Variants in AMY2A observed in about 807,000 individuals in gnomAD.
The protein encoded by AMY2A is amylase alpha 2A, also known as pancreatic alpha-amylase.
In AMY2A, 16 loss-of-function variants were observed where a neutral mutation model predicts 43.0. The observed-to-expected ratio is 0.37, with a 90% CI of 0.25 to 0.56. The LOEUF (loss-of-function observed/expected upper bound fraction) is 0.56. Ranked by LOEUF, AMY2A falls within the 20% of genes least tolerant of loss-of-function variation. The pLI, the probability that AMY2A is intolerant of heterozygous loss-of-function variation, is 0.77. For missense variants in AMY2A, 212 were observed against 456.8 expected (o/e 0.46, Z 4.89); for synonymous variants, 70 against 144.6 (o/e 0.48, Z 3.70).
Position 103,617,483 on chromosome 1 carries a change from G to A in AMY2A, c.43G>A (p.Ala15Thr), listed in dbSNP as rs550718562. ...LLLFTIGFCW[A>T]QYSPNTQQGR... ...GCTTTTCACCATTGGGTTCTGCTGGGCTCAGTATTCCCCAAATACACAACA... is the reference window on the plus strand; with the variant it reads ...GCTTTTCACCATTGGGTTCTGCTGGACTCAGTATTCCCCAAATACACAACA... The change falls in exon 1 of 10, where the codon GCT (alanine) becomes ACT (threonine). Residue 15 changes from alanine (A) to threonine (T), a missense_variant. Ala to Thr is a moderately conservative substitution (Grantham distance 58). Transcript: ENST00000414303. 7.4e-5 allele frequency: 118 copies of A among 1,600,754 alleles called. 4 individuals carry two copies. In the South Asian group the frequency reaches 1.3e-3, roughly 17 times the overall value.
chr1:103,618,217 A>G (rs1171802112), intron 2 of AMY2A, 117 bp downstream of exon 2: 1 of 1,432,844 alleles, frequency 7.0e-7, no homozygotes, highest in East Asian at 2.4e-5. Flanking sequence ...ATTTTACTTC[A>G]TAATTTAAAA....
At chr1:103,619,350 C>A (rs913109782) in intron 3 of AMY2A, among the ~76,000 whole-genome samples, 4 of 150,430 alleles carry the variant, frequency 2.7e-5, no homozygotes, top group Non-Finnish European at 6.0e-5. Context: ...ATCTCATCGA[C>A]TTTATTTCCT....
upstream of AMY2A, chr1:103,617,298 A>T (rs1192882532): frequency 6.8e-7 from 1 of 1,468,750 alleles, no homozygotes; most frequent in East Asian, 2.3e-5. Flanking sequence ...ACCTGTTAGG[A>T]TTATTATTGA....
chr1:103,618,340 C>T (rs868085752), intron 2 of AMY2A, among the ~76,000 whole-genome samples: 3 of 150,596 alleles, frequency 2.0e-5, no homozygotes, highest in African/African-American at 7.3e-5. Flanking sequence ...AGCAAAACAT[C>T]AAATTTTAAC....
chr1:103,618,092 A>C lies in AMY2A; in HGVS notation c.307A>C (p.Asn103His), dbSNP rs1653129729. Residue 103 changes from asparagine to histidine, a missense_variant, in exon 2 of 10, where the codon AAT (asparagine) becomes CAT (histidine). Coordinates refer to ENST00000414303, the MANE Select transcript of AMY2A (RefSeq NM_000699.4). ...EFRNMVTRCN[N>H]VGVRIYVDAV... ...TAGAAACATGGTGACTAGATGTAAC[A>C]ATGTTGGGGTAAGTGAATTCTAGTT... is the stretch of plus-strand genomic sequence containing the variant. 7 of 1,597,878 alleles carry C rather than the reference A, an allele frequency of 4.4e-6. No homozygotes were observed. Among genetic ancestry groups the C allele is most frequent in the Non-Finnish European group, 6.0e-6 (7 of 1,168,726 alleles).
intron 3 of AMY2A, 144 bp downstream of exon 3, chr1:103,619,252 C>G: frequency 1.1e-6 from 1 of 890,614 alleles, no homozygotes; most frequent in Non-Finnish European, 1.7e-6. Context: ...TTAAGAAACT[C>G]AAATCCATAT....
intron 9 of AMY2A, among the ~76,000 whole-genome samples, chr1:103,624,975 T>G (rs1653281723): frequency 7.6e-6 from 1 of 130,974 alleles, no homozygotes; most frequent in Non-Finnish European, 1.7e-5. Context: ...GAAAAGTAAA[T>G]AAATACATCA....
Position 103,617,580 on chromosome 1 carries a change from T to G in AMY2A, c.140T>G (p.Leu47Ter). ...VDIALECERYLAPKGFGGVQV... is the reference protein window; with the variant it reads ...VDIALECERY ...ATTGCTCTTGAATGTGAGCGATATT[T>G]AGCTCCGAAGGGATTTGGAGGGGTT... Residue 47 changes from leucine (L) to a stop codon, truncating the protein, a stop_gained, in exon 1 of 10, where the codon TTA (leucine) becomes TGA (stop). Transcript: ENST00000414303. LOFTEE classifies it high-confidence loss of function. 6 of 1,601,046 alleles carry G rather than the reference T, an allele frequency of 3.7e-6. No homozygotes were observed. The highest frequency in any genetic ancestry group is 5.1e-6 in the Non-Finnish European group (6 of 1,170,940).
intron 2 of AMY2A, 93 bp downstream of exon 2, chr1:103,618,193 A>G (rs1653133208): frequency 6.7e-7 from 1 of 1,500,488 alleles, no homozygotes; most frequent in Non-Finnish European, 8.9e-7. Context: ...AATTTTCCGT[A>G]TTTTATTTTT....
intron 2 of AMY2A, 43 bp downstream of exon 2, chr1:103,618,143 A>G: frequency 6.3e-7 from 1 of 1,582,544 alleles, no homozygotes; most frequent in Middle Eastern, 2.3e-4. Context: ...AGACAGGAAA[A>G]TGGTTTCTCT....
At chr1:103,619,380 A>G (rs2101099673) in intron 3 of AMY2A, among the ~76,000 whole-genome samples, 174 bp from the exon 4 acceptor site, 1 of 150,794 alleles carries the variant, frequency 6.6e-6, no homozygotes, top group African/African-American at 2.4e-5. Context: ...ATTTTCTATT[A>G]GAAAATATTT....
chr1:103,619,947 T>C (rs1279548179), intron 4 of AMY2A, 163 bp downstream of exon 4: 5 of 1,392,492 alleles, frequency 3.6e-6, no homozygotes, highest in Non-Finnish European at 4.9e-6. Flanking sequence ...TCTAATTCTT[T>C]ATCACAACAT....
intron 2 of AMY2A, 134 bp from the exon 3 acceptor site, chr1:103,618,777 T>A (rs567733475): frequency 6.7e-7 from 1 of 1,491,088 alleles, no homozygotes; most frequent in African/African-American, 1.4e-5. Context: ...TGATTTTTGA[T>A]CTTGTAGGAA....
At chr1:103,619,311 G>T (rs1457641196) in intron 3 of AMY2A, among the ~76,000 whole-genome samples, 4 of 150,126 alleles carry the variant, frequency 2.7e-5, no homozygotes, top group African/African-American at 4.9e-5. Context: ...ATACACATTT[G>T]CCCACTTCTA....
In AMY2A at chr1:103,618,047, T is replaced by A; in HGVS notation, c.262T>A (p.Ser88Thr). The change falls in exon 2 of 10, where the codon TCT becomes ACT. Residue 88 changes from serine to threonine, a missense_variant. Ser to Thr is a moderately conservative substitution (Grantham distance 58). Around this residue, in one of 2 missense-constraint regions of AMY2A, gnomAD observed 199 missense variants for 210.6 expected, o/e 0.94. Coordinates refer to ENST00000414303, the MANE Select transcript of AMY2A (RefSeq NM_000699.4). Reference protein sequence around the residue: ...QPVSYKLCTRSGNEDEFRNMV... With the variant: ...QPVSYKLCTRTGNEDEFRNMV... ...AGTTAGCTATAAATTATGCACAAGA[T>A]CTGGAAATGAAGATGAATTTAGAAA... The A allele has an allele frequency of 1.9e-6, 3 of 1,600,604 alleles. No individual in the cohort carries two copies. Among genetic ancestry groups the A allele is most frequent in the Non-Finnish European group, 2.6e-6 (3 of 1,170,648 alleles).
intron 4 of AMY2A, 179 bp downstream of exon 4, chr1:103,619,963 A>G (rs1285768445): frequency 7.3e-7 from 1 of 1,361,924 alleles, no homozygotes. Flanking sequence ...AACATGTTTT[A>G]TGGAGGTACA....
At chr1:103,617,186 A>C (rs1653100007), upstream of AMY2A, 3 of 1,042,756 alleles carry the variant, frequency 2.9e-6, no homozygotes, top group South Asian at 1.7e-5. Flanking sequence ...GCAACAGGTC[A>C]CTGTTTAAGG....
upstream of AMY2A, chr1:103,616,964 C>T: frequency 9.6e-7 from 1 of 1,037,750 alleles, no homozygotes; most frequent in Non-Finnish European, 1.2e-6. Flanking sequence ...AAAGTCCAAG[C>T]CATAGGACCC....
In AMY2A at chr1:103,623,446, T is replaced by C. The variant is rs1458295731; in HGVS notation, c.1102-420T>C. On this transcript the variant is annotated intron_variant, in intron 7 of 9. Transcript: ENST00000414303. Reference sequence around the variant, plus strand: ...GGGCAAGCTAGCAAGACCTCGTCTTTACTGAAAATTTTTTAAAAATTAGCT... The same window carrying C: ...GGGCAAGCTAGCAAGACCTCGTCTTCACTGAAAATTTTTTAAAAATTAGCT... Among the ~76,000 whole-genome samples, 2 of 79,080 alleles carry C rather than the reference T, an allele frequency of 2.5e-5. 1 individual carries two copies. Among genetic ancestry groups the C allele is most frequent in the Non-Finnish European group, 4.9e-5 (2 of 40,800 alleles). 51.9% of individuals were successfully genotyped at this position (79,080 alleles called of 152,430 possible).
Sources: gnomAD v4.1 joint callset for allele counts (sites outside exome capture counted in the v4.1 genomes callset) on GRCh38, gnomAD v4.1.1 for gene constraint, gnomAD v4.1.1 regional missense constraint, MANE v1.5 for transcripts, NCBI Gene and HGNC (gene_info 2026-07-23, HGNC 2026-07-21) for gene names.